Variants in SRGAP1 observed in about 807,000 individuals in gnomAD.
The protein encoded by SRGAP1 is SLIT-ROBO Rho GTPase activating protein 1, also known as SLIT-ROBO Rho GTPase-activating protein 1.
In SRGAP1, 43 loss-of-function variants were observed where a neutral mutation model predicts 121.9. The observed-to-expected ratio is 0.35, with a 90% CI of 0.28 to 0.46. The LOEUF (loss-of-function observed/expected upper bound fraction) is 0.46. Ranked by LOEUF, SRGAP1 falls within the 20% of genes least tolerant of loss-of-function variation. The probability of loss-of-function intolerance (pLI) is 1.00; values close to 1 mark genes in which losing one functional copy is unlikely to be tolerated. For synonymous variants in SRGAP1, 447 were observed against 485.4 expected (o/e 0.92, Z 1.04); for missense variants, 1,102 against 1,350.9 (o/e 0.82, Z 2.89).
chr12:63,920,267 A>T (rs115159700), intron 1 of SRGAP1, among the ~76,000 whole-genome samples: 146 of 152,338 alleles, frequency 9.6e-4, no homozygotes, highest in African/African-American at 3.1e-3. Flanking sequence ...GCCTCTGAAG[A>T]GGTGACTTGA....
intron 10 of SRGAP1, among the ~76,000 whole-genome samples, chr12:64,083,331 G>A (rs138534233): frequency 6.6e-6 from 1 of 152,144 alleles, no homozygotes; most frequent in Non-Finnish European, 1.5e-5. Flanking sequence ...AAAACAAATA[G>A]AGCCTAACCC....
At chr12:63,965,517 T>C (rs2136384881) in intron 1 of SRGAP1, among the ~76,000 whole-genome samples, 1 of 152,138 alleles carries the variant, frequency 6.6e-6, no homozygotes, top group South Asian at 2.1e-4. Context: ...TTAAAAAAAA[T>C]ACAGTGGGCT....
At chr12:64,065,240 C>G in intron 8 of SRGAP1, 21 bp downstream of exon 8, 1 of 1,569,942 alleles carries the variant, frequency 6.4e-7, no homozygotes, top group Non-Finnish European at 8.7e-7. Context: ...GTTCGTCCTG[C>G]CACACCAGTA....
At chr12:63,900,754 A>G (rs145441433) in intron 1 of SRGAP1, among the ~76,000 whole-genome samples, 1,615 of 152,226 alleles carry the variant, frequency 0.011, 11 homozygotes, top group Non-Finnish European at 0.018. Context: ...AGAGGCTTGC[A>G]GTGAGCTGAG....
chr12:64,140,771 G>C (rs867415019), intron 21 of SRGAP1, among the ~76,000 whole-genome samples: 231 of 132,106 alleles, frequency 1.7e-3, no homozygotes, highest in African/African-American at 6.3e-3. Context: ...CCCATTACTG[G>C]GTATATACCC....
chr12:64,086,722 GAAAAAAAA>G (rs3057149), intron 10 of SRGAP1, among the ~76,000 whole-genome samples: 3 of 120,256 alleles, frequency 2.5e-5, no homozygotes, highest in African/African-American at 9.2e-5. Context: ...TTTCTTTTCT[GAAAAAAAA>G]AAAAAAAAAA....
chr12:63,974,918 A>C (rs2033053485), intron 1 of SRGAP1, among the ~76,000 whole-genome samples: 1 of 152,144 alleles, frequency 6.6e-6, no homozygotes, highest in African/African-American at 2.4e-5. Context: ...CAAATCCTAC[A>C]TGTCCAGAGC....
intron 3 of SRGAP1, among the ~76,000 whole-genome samples, chr12:63,997,268 A>G (rs2033740104): frequency 6.6e-6 from 1 of 152,182 alleles, no homozygotes; most frequent in South Asian, 2.1e-4. Flanking sequence ...AACATGCTAT[A>G]CAGGTTTGTA....
In SRGAP1 at chr12:64,065,114, T is replaced by A; in HGVS notation, c.1024-4T>A. ...GTTGTAACTGGTTTCTCATTCTCCA[T>A]CAGGTGTGCCAGGTCAGTGCCCAGC... On this transcript the variant is annotated splice_polypyrimidine_tract_variant and splice_region_variant and intron_variant, in intron 7 of 21. Transcript: ENST00000355086. 6.2e-7 allele frequency: 1 copy of A among 1,609,868 alleles called. No individual in the cohort carries two copies. The highest frequency in any genetic ancestry group is 8.5e-7 in the Non-Finnish European group (1 of 1,178,770).
At chr12:63,865,732 A>G (rs1231366046) in intron 1 of SRGAP1, among the ~76,000 whole-genome samples, 1 of 152,118 alleles carries the variant, frequency 6.6e-6, no homozygotes, top group East Asian at 1.9e-4. Context: ...GGCCTTTCCT[A>G]TTGACCAGTG....
intron 1 of SRGAP1, among the ~76,000 whole-genome samples, chr12:63,846,772 G>A (rs548955903): frequency 1.3e-5 from 2 of 152,260 alleles, no homozygotes; most frequent in African/African-American, 4.8e-5. Flanking sequence ...TACACATCCA[G>A]TATCTAACCT....
At chr12:64,015,664 T>C (rs1179003708) in intron 3 of SRGAP1, among the ~76,000 whole-genome samples, 1 of 152,206 alleles carries the variant, frequency 6.6e-6, no homozygotes, top group Non-Finnish European at 1.5e-5. Flanking sequence ...ACAGATGGAC[T>C]TGGGCCAGGA....
intron 21 of SRGAP1, among the ~76,000 whole-genome samples, chr12:64,134,457 A>C (rs2036830165): frequency 6.6e-6 from 1 of 151,964 alleles, no homozygotes; most frequent in African/African-American, 2.4e-5. Flanking sequence ...TGCTCTCACA[A>C]ATCTGTTTTG....
intron 1 of SRGAP1, among the ~76,000 whole-genome samples, chr12:63,919,527 T>TATATATATATATATATATATATAC (rs1238483459): frequency 6.8e-6 from 1 of 146,378 alleles, no homozygotes; most frequent in African/African-American, 2.7e-5. Context: ...TATATACACA[T>TATATATATATATATATATATATAC]ACACACACAC....
intron 1 of SRGAP1, among the ~76,000 whole-genome samples, chr12:63,952,336 A>T (rs575026817): frequency 1.5e-4 from 23 of 152,282 alleles, no homozygotes; most frequent in Non-Finnish European, 2.6e-4. Flanking sequence ...ACGAAGTGAG[A>T]CCACATTTCT....
intron 19 of SRGAP1, 71 bp downstream of exon 19, chr12:64,126,228 C>T: frequency 6.5e-7 from 1 of 1,529,104 alleles, no homozygotes; most frequent in Non-Finnish European, 8.9e-7. Context: ...TTAAACTGAC[C>T]TTGGTCTTGT....
intron 1 of SRGAP1, among the ~76,000 whole-genome samples, chr12:63,925,147 C>T (rs892436316): frequency 6.6e-6 from 1 of 152,154 alleles, no homozygotes; most frequent in African/African-American, 2.4e-5. Context: ...GCAGAGCCTC[C>T]TTATGAAGAA....
chr12:64,081,482 AAAAC>A (rs2035839600), intron 10 of SRGAP1: 1 of 152,070 alleles, frequency 6.6e-6, no homozygotes, highest in African/African-American at 2.4e-5. Context: ...GGAAAAAAAA[AAAAC>A]AACGCAAACT....
intron 1 of SRGAP1, among the ~76,000 whole-genome samples, chr12:63,846,124 T>C: frequency 6.6e-6 from 1 of 151,642 alleles, no homozygotes; most frequent in South Asian, 2.1e-4. Flanking sequence ...ATAATGGAGT[T>C]ATCTATAGGC....
Sources: gnomAD v4.1 joint callset for allele counts (sites outside exome capture counted in the v4.1 genomes callset) on GRCh38, gnomAD v4.1.1 for gene constraint, MANE v1.5 for transcripts, NCBI Gene and HGNC (gene_info 2026-07-23, HGNC 2026-07-21) for gene names.